Variants in ULK4 observed in about 807,000 individuals in gnomAD.
ULK4 encodes inactive serine/threonine-protein kinase ULK4.
In ULK4, 133 loss-of-function variants were observed where a neutral mutation model predicts 160.6. The observed-to-expected ratio is 0.83, with a 90% CI of 0.72 to 0.96. The LOEUF (loss-of-function observed/expected upper bound fraction) is 0.96. Among genes scored for constraint, ULK4 ranks in the 40% least tolerant of loss-of-function variants. The probability of loss-of-function intolerance (pLI) is 0.00; values close to 1 mark genes in which losing one functional copy is unlikely to be tolerated. For synonymous variants in ULK4, 534 were observed against 539.8 expected (o/e 0.99, Z 0.15); for missense variants, 1,580 against 1,499.5 (o/e 1.05, Z -0.89).
intron 32 of ULK4, among the ~76,000 whole-genome samples, chr3:41,497,463 A>T (rs1368765287): frequency 6.6e-6 from 1 of 152,156 alleles, no homozygotes; most frequent in Non-Finnish European, 1.5e-5. Flanking sequence ...AAAGAATGGA[A>T]GAAAAAATAT....
intron 15 of ULK4, among the ~76,000 whole-genome samples, chr3:41,895,849 A>G (rs116651240): frequency 2.4e-3 from 366 of 152,306 alleles, no homozygotes; most frequent in African/African-American, 7.9e-3. Flanking sequence ...TAACCTTAAT[A>G]CTATCCTGGA....
intron 32 of ULK4, among the ~76,000 whole-genome samples, chr3:41,480,065 G>A (rs182621584): frequency 6.6e-6 from 1 of 152,134 alleles, no homozygotes. Flanking sequence ...AAATTAGCCA[G>A]GCGTGGTGGC....
intron 22 of ULK4, among the ~76,000 whole-genome samples, chr3:41,748,144 C>CTA (rs143813305): frequency 0.02 from 2,940 of 145,550 alleles, 45 homozygotes; most frequent in African/African-American, 0.047. Context: ...TATATAGAGA[C>CTA]TATATATATA....
chr3:41,752,016 G>T (rs1324443805), intron 22 of ULK4, among the ~76,000 whole-genome samples: 1 of 152,194 alleles, frequency 6.6e-6, no homozygotes, highest in Non-Finnish European at 1.5e-5. Context: ...AGGAACAGGG[G>T]TATTATTTCA....
intron 34 of ULK4, among the ~76,000 whole-genome samples, chr3:41,437,764 C>T (rs1028037984): frequency 1.3e-5 from 2 of 152,206 alleles, no homozygotes; most frequent in Middle Eastern, 3.4e-3. Flanking sequence ...AGAAAGCAAC[C>T]CAAGGCTAAG....
intron 25 of ULK4, among the ~76,000 whole-genome samples, chr3:41,714,784 G>A (rs578182681): frequency 6.7e-6 from 1 of 149,712 alleles, no homozygotes. Flanking sequence ...CCCAGGAGGC[G>A]GAGGTTGCAG....
chr3:41,398,915 C>T (rs7629070), intron 34 of ULK4, among the ~76,000 whole-genome samples: 39,147 of 151,842 alleles, frequency 0.26, 5,314 homozygotes, highest in South Asian at 0.39. Flanking sequence ...ATATACTTTA[C>T]CTCATACATA....
At chr3:41,862,058 C>T (rs1209793619) in intron 17 of ULK4, among the ~76,000 whole-genome samples, 3 of 152,118 alleles carry the variant, frequency 2.0e-5, no homozygotes, top group African/African-American at 7.2e-5. Flanking sequence ...GCAATCCACC[C>T]TCAGCCTCCC....
chr3:41,870,566 G>C (rs551669180), intron 17 of ULK4, among the ~76,000 whole-genome samples: 14 of 152,322 alleles, frequency 9.2e-5, no homozygotes, highest in South Asian at 2.1e-4. Flanking sequence ...AAGCAGTACA[G>C]AGAAGTCCCA....
chr3:41,361,621 T>C (rs2081147047), intron 35 of ULK4, among the ~76,000 whole-genome samples: 1 of 152,216 alleles, frequency 6.6e-6, no homozygotes, highest in Non-Finnish European at 1.5e-5. Context: ...AGTTTTCATA[T>C]CCCGATGTGA....
At chr3:41,448,750 C>T (rs772979988) in intron 34 of ULK4, among the ~76,000 whole-genome samples, 3 of 152,098 alleles carry the variant, frequency 2.0e-5, no homozygotes, top group South Asian at 2.1e-4. Context: ...GGCAGAACTG[C>T]CAGGGCTTGA....
intron 1 of ULK4, among the ~76,000 whole-genome samples, chr3:41,955,245 G>A (rs550317620): frequency 7.2e-5 from 11 of 152,282 alleles, no homozygotes; most frequent in Admixed American, 5.9e-4. Context: ...AGCCGAGATC[G>A]CACCACTGCA....
chr3:41,719,246 C>T (rs544836275), intron 22 of ULK4, among the ~76,000 whole-genome samples: 1 of 152,310 alleles, frequency 6.6e-6, no homozygotes, highest in Non-Finnish European at 1.5e-5. Flanking sequence ...TCTATCAAGA[C>T]TGAGTTCTAG....
At chr3:41,354,396 C>A (rs1389228163) in intron 35 of ULK4, among the ~76,000 whole-genome samples, 2 of 152,240 alleles carry the variant, frequency 1.3e-5, no homozygotes, top group East Asian at 3.9e-4. Context: ...CCCATAATTT[C>A]CATAGATTGT....
chr3:41,521,282 G>T (rs1382933462), intron 32 of ULK4, among the ~76,000 whole-genome samples: 1 of 152,088 alleles, frequency 6.6e-6, no homozygotes. Context: ...CCTTCTGATA[G>T]TATGATCTGG....
chr3:41,377,542 C>T (rs199550650), intron 35 of ULK4, among the ~76,000 whole-genome samples: 19,830 of 142,524 alleles, frequency 0.14, 1,442 homozygotes, highest in African/African-American at 0.18. Context: ...AAACAAACAA[C>T]CCCATCAAAA....
chr3:41,824,318 G>A lies in ULK4; in HGVS notation c.1765-4812C>T, dbSNP rs149578489. Among the ~76,000 whole-genome samples the A allele has an allele frequency of 6.8e-3, 1,042 of 152,166 alleles. 10 individuals are homozygous for A. Among genetic ancestry groups the A allele is most frequent in the African/African-American group, 0.024 (1,006 of 41,518 alleles). The stretch of plus-strand genomic sequence containing the variant: ...CACTGGGGAGTGTCGGACAGTGGGT[G>A]CAGGACAGTGGGTGCAGCACACCGA... On this transcript the variant is annotated intron_variant, in intron 18 of 36. Transcript: ENST00000301831.
At chr3:41,297,819 T>G (rs2079700042) in intron 35 of ULK4, among the ~76,000 whole-genome samples, 1 of 152,238 alleles carries the variant, frequency 6.6e-6, no homozygotes, top group Non-Finnish European at 1.5e-5. Context: ...GGTAACACTG[T>G]CAGAAGTTTT....
At chr3:41,607,182 C>T (rs1413104911) in intron 31 of ULK4, among the ~76,000 whole-genome samples, 1 of 152,024 alleles carries the variant, frequency 6.6e-6, no homozygotes, top group Non-Finnish European at 1.5e-5. Flanking sequence ...AATCAATAAA[C>T]ACTGTTGCAA....
Sources: allele counts gnomAD v4.1 joint callset (sites outside exome capture counted in the v4.1 genomes callset), GRCh38; gene constraint gnomAD v4.1.1; transcripts MANE v1.5; gene names NCBI Gene and HGNC (gene_info 2026-07-23, HGNC 2026-07-21).